Variants in ZSWIM6 observed in about 807,000 individuals in gnomAD.
ZSWIM6 encodes zinc finger SWIM-type containing 6.
ZSWIM6 carries 9 observed loss-of-function variants against 113.2 expected under a neutral mutation model. The ratio of observed to expected loss-of-function variants is 0.08; its 90% CI spans 0.05 to 0.14. ZSWIM6 has a LOEUF of 0.14. Among genes scored for constraint, ZSWIM6 ranks in the 10% least tolerant of loss-of-function variants. The pLI is 1.00. For missense variants in ZSWIM6, 1,162 were observed against 1,552.2 expected (o/e 0.75, Z 4.22); for synonymous variants, 611 against 606.5 (o/e 1.01, Z -0.11).
At chr5:61,503,725 C>T (rs1178497816) in intron 4 of ZSWIM6, among the ~76,000 whole-genome samples, 1 of 152,122 alleles carries the variant, frequency 6.6e-6, no homozygotes, top group East Asian at 1.9e-4. Context: ...ACAGATTGAC[C>T]ATGCACTAGA....
chr5:61,525,813 G>T lies in ZSWIM6; in HGVS notation c.1527G>T (p.Arg509Ser). Reference protein sequence around the residue: ...GANANQDSSNRPHRTVFTRAI... With the variant: ...GANANQDSSNSPHRTVFTRAI... ...TGGAAAAAACAGATTCATCGAACAG[G>T]CCACATCGGACAGTGTTCACCCGAG... Residue 509 changes from arginine to serine, a missense_variant, in exon 6 of 14, where the codon AGG becomes AGT. Physicochemically the swap from Arg to Ser is moderately radical, Grantham distance 110. Around this residue, in one of 4 missense-constraint regions of ZSWIM6, gnomAD observed 620 missense variants for 804.6 expected, o/e 0.77. Coordinates refer to ENST00000252744, the MANE Select transcript of ZSWIM6 (RefSeq NM_020928.2). 6.4e-7 allele frequency: 1 copy of T among 1,551,660 alleles called. No homozygotes were observed. The highest frequency in any genetic ancestry group is 8.7e-7 in the Non-Finnish European group (1 of 1,146,954).
chr5:61,491,994 C>T (rs1179941087), intron 3 of ZSWIM6, among the ~76,000 whole-genome samples: 11 of 152,020 alleles, frequency 7.2e-5, no homozygotes, highest in Admixed American at 7.2e-4. Context: ...CTACTTTACA[C>T]ATGATTTAAG....
At chr5:61,521,721 A>G (rs771869928) in intron 5 of ZSWIM6, among the ~76,000 whole-genome samples, 1 of 152,180 alleles carries the variant, frequency 6.6e-6, no homozygotes, top group African/African-American at 2.4e-5. Flanking sequence ...TTAATGATTT[A>G]TTATGGACAT....
At chr5:61,474,973 C>T (rs563563735) in intron 2 of ZSWIM6, among the ~76,000 whole-genome samples, 5 of 152,228 alleles carry the variant, frequency 3.3e-5, no homozygotes, top group East Asian at 1.9e-4. Flanking sequence ...GTGTAAACAA[C>T]GCTGCCACAG....
At chr5:61,490,704 AG>A in intron 2 of ZSWIM6, 81 bp from the exon 3 acceptor site, 1 of 1,345,908 alleles carries the variant, frequency 7.4e-7, no homozygotes. Flanking sequence ...ATTAAAAAGT[AG>A]GCAAAAAGAG....
At chr5:61,531,417 C>CT in intron 8 of ZSWIM6, 48 bp from the exon 9 acceptor site, 1 of 1,518,040 alleles carries the variant, frequency 6.6e-7, no homozygotes, top group Non-Finnish European at 8.9e-7. Context: ...ATCATATCAT[C>CT]TGCAAAAGTA....
intron 4 of ZSWIM6, among the ~76,000 whole-genome samples, chr5:61,504,584 G>A (rs1023303552): frequency 1.3e-5 from 2 of 152,178 alleles, no homozygotes; most frequent in Non-Finnish European, 2.9e-5. Flanking sequence ...GTTCCAATCT[G>A]ATGAAATATT....
At chr5:61,380,097 C>T (rs1014888799) in intron 1 of ZSWIM6, among the ~76,000 whole-genome samples, 7 of 151,916 alleles carry the variant, frequency 4.6e-5, no homozygotes, top group South Asian at 2.1e-4. Flanking sequence ...TTTTTTGACA[C>T]GGAGTTTCGC....
At chr5:61,340,844 A>G (rs760455527) in intron 1 of ZSWIM6, among the ~76,000 whole-genome samples, 7 of 152,206 alleles carry the variant, frequency 4.6e-5, no homozygotes, top group Non-Finnish European at 1.0e-4. Context: ...GTTTCAGGCT[A>G]AATTCTAATG....
intron 1 of ZSWIM6, among the ~76,000 whole-genome samples, chr5:61,395,739 TTA>T (rs1170905427): frequency 3.9e-5 from 6 of 152,228 alleles, no homozygotes; most frequent in African/African-American, 1.4e-4. Flanking sequence ...AGCAAAGTTT[TTA>T]TAAGTAAGCC....
intron 3 of ZSWIM6, 138 bp from the exon 4 acceptor site, chr5:61,494,122 C>T (rs901655697): frequency 1.4e-6 from 1 of 717,948 alleles, no homozygotes; most frequent in South Asian, 2.3e-5. Flanking sequence ...CTATCCTCCA[C>T]CACACACACA....
chr5:61,512,887 TC>T (rs1748827982), intron 4 of ZSWIM6, among the ~76,000 whole-genome samples: 1 of 151,826 alleles, frequency 6.6e-6, no homozygotes, highest in African/African-American at 2.4e-5. Flanking sequence ...ATATACCCCT[TC>T]CCCCGAGCTT....
chr5:61,448,770 G>A (rs1747022015), intron 1 of ZSWIM6, among the ~76,000 whole-genome samples: 1 of 152,134 alleles, frequency 6.6e-6, no homozygotes, highest in African/African-American at 2.4e-5. Flanking sequence ...GAAGACAAAA[G>A]CATGTTTTAG....
intron 1 of ZSWIM6, among the ~76,000 whole-genome samples, chr5:61,444,662 A>C (rs1158924969): frequency 1.3e-5 from 2 of 152,176 alleles, no homozygotes; most frequent in African/African-American, 4.8e-5. Context: ...AGGGGCCTAG[A>C]TGTTGGCCTT....
intron 1 of ZSWIM6, among the ~76,000 whole-genome samples, chr5:61,464,232 C>G (rs1295682130): frequency 7.9e-6 from 1 of 126,822 alleles, no homozygotes; most frequent in Non-Finnish European, 1.6e-5. Context: ...GTTGGCCAGG[C>G]TAGTCTCAAA....
rs1409630835 is a variant in ZSWIM6 at position 61,535,443 on chromosome 5, A to AT, written c.2246-35dup. 3.9e-5 allele frequency: 61 copies of AT among 1,546,074 alleles called. No homozygotes were observed. In the East Asian group the frequency reaches 1.4e-3, roughly 36 times the overall value. ...TATGCTTTACAAGAAGTGTTAGTTC[A>AT]TTTTTTAGGAACGTAAAATGTGTAT... On this transcript the variant is annotated intron_variant, in intron 9 of 13. Transcript: ENST00000252744.
At chr5:61,401,382 A>G (rs1311204831) in intron 1 of ZSWIM6, among the ~76,000 whole-genome samples, 1 of 152,218 alleles carries the variant, frequency 6.6e-6, no homozygotes, top group Non-Finnish European at 1.5e-5. Context: ...TGTTGGAGGT[A>G]AAGTTTAAAA....
intron 1 of ZSWIM6, among the ~76,000 whole-genome samples, chr5:61,441,461 C>T (rs1194562115): frequency 6.6e-6 from 1 of 152,062 alleles, no homozygotes; most frequent in Non-Finnish European, 1.5e-5. Context: ...GTTTTCAATC[C>T]TCCCCCTATA....
chr5:61,417,557 T>G (rs1746282136), intron 1 of ZSWIM6, among the ~76,000 whole-genome samples: 1 of 152,128 alleles, frequency 6.6e-6, no homozygotes, highest in Admixed American at 6.5e-5. Flanking sequence ...GTGGATTGTG[T>G]GAGTAGAGTC....
Sources: gnomAD v4.1 joint callset for allele counts (sites outside exome capture counted in the v4.1 genomes callset) on GRCh38, gnomAD v4.1.1 for gene constraint, gnomAD v4.1.1 regional missense constraint, MANE v1.5 for transcripts, NCBI Gene and HGNC (gene_info 2026-07-23, HGNC 2026-07-21) for gene names.